The following PPP2R5C variants were observed in gnomAD, a reference collection of about 807,000 sequenced individuals.
PPP2R5C encodes serine/threonine-protein phosphatase 2A 56 kDa regulatory subunit gamma isoform.
Under a neutral mutation model 68.9 loss-of-function variants are expected in PPP2R5C, and 7 were observed. The ratio of observed to expected loss-of-function variants is 0.10; its 90% CI spans 0.06 to 0.19. The LOEUF (loss-of-function observed/expected upper bound fraction) is 0.19. PPP2R5C is among the 10% of genes least tolerant of loss of function. The probability of loss-of-function intolerance (pLI) is 1.00; values close to 1 mark genes in which losing one functional copy is unlikely to be tolerated. For synonymous variants in PPP2R5C, 210 were observed against 222.2 expected (o/e 0.95, Z 0.49); for missense variants, 348 against 641.3 (o/e 0.54, Z 4.94).
At chr14:101,804,357 T>C (rs2038990672) in intron 3 of PPP2R5C, among the ~76,000 whole-genome samples, 1 of 152,204 alleles carries the variant, frequency 6.6e-6, no homozygotes, top group Non-Finnish European at 1.5e-5. Context: ...TATTCAGCAG[T>C]CCCACTGCTG....
intron 3 of PPP2R5C, among the ~76,000 whole-genome samples, chr14:101,788,415 G>T (rs537801090): frequency 1.3e-5 from 2 of 152,256 alleles, no homozygotes; most frequent in Admixed American, 6.5e-5. Context: ...CCATGCGCGG[G>T]GCAGAGCCCA....
chr14:101,910,692 G>A (rs1298394777), intron 11 of PPP2R5C, among the ~76,000 whole-genome samples: 5 of 152,158 alleles, frequency 3.3e-5, no homozygotes, highest in African/African-American at 9.7e-5. Flanking sequence ...AAAGGGCCAG[G>A]CGTGGTGGCT....
chr14:101,918,496 A>C (rs1205033232), intron 13 of PPP2R5C, among the ~76,000 whole-genome samples: 1 of 14,218 alleles, frequency 7.0e-5, no homozygotes, highest in Non-Finnish European at 1.3e-4. Flanking sequence ...CCCTCCCCCC[A>C]CCCCTCAGCC....
At chr14:101,911,778 G>T (rs901689857) in intron 11 of PPP2R5C, among the ~76,000 whole-genome samples, 1 of 152,008 alleles carries the variant, frequency 6.6e-6, no homozygotes, top group African/African-American at 2.4e-5. Context: ...CAGCTACTCG[G>T]GAGGTTGAGG....
At chr14:101,905,928 G>C (rs2141063181) in intron 9 of PPP2R5C, among the ~76,000 whole-genome samples, 1 of 152,260 alleles carries the variant, frequency 6.6e-6, no homozygotes, top group Middle Eastern at 3.4e-3. Context: ...CTTTGTATGT[G>C]ACTTATCGTT....
At chr14:101,787,097 A>T (rs905412358) in intron 3 of PPP2R5C, among the ~76,000 whole-genome samples, 6 of 152,156 alleles carry the variant, frequency 3.9e-5, no homozygotes, top group African/African-American at 1.4e-4. Context: ...ACAAAAAAAT[A>T]AAATTTGCTG....
At chr14:101,795,932 C>A (rs952478172) in intron 3 of PPP2R5C, among the ~76,000 whole-genome samples, 3 of 152,144 alleles carry the variant, frequency 2.0e-5, no homozygotes, top group Non-Finnish European at 4.4e-5. Context: ...AAGCAGTCCT[C>A]CCAGCTCAGC....
intron 3 of PPP2R5C, among the ~76,000 whole-genome samples, chr14:101,788,866 C>G (rs531718005): frequency 9.2e-5 from 14 of 152,218 alleles, no homozygotes; most frequent in Admixed American, 7.2e-4. Context: ...TATATATCCC[C>G]CATTTTTCTG....
In PPP2R5C at chr14:101,874,589, T is replaced by C. The variant is rs114727903; in HGVS notation, c.295-7572T>C. On this transcript the variant is annotated intron_variant, in intron 2 of 13. Transcript: ENST00000334743. ...ATAAATATTCTAAACTCAAAAAATATAAACTCATGCACATAACTGTAAATG... is the reference window on the plus strand; with the variant it reads ...ATAAATATTCTAAACTCAAAAAATACAAACTCATGCACATAACTGTAAATG... Among the ~76,000 whole-genome samples the C allele has an allele frequency of 5.7e-3, 861 of 152,332 alleles. 4 individuals carry two copies. The highest frequency in any genetic ancestry group is 0.02 in the African/African-American group (836 of 41,560).
rs960911064 is a variant in PPP2R5C at position 101,884,894 on chromosome 14, C to T, written c.629+1332C>T. ...ACTGCCAGTTTCGTGCTCCCCACTG[C>T]GGTGGCACCAAGTGAATGTCAATAG... On this transcript the variant is annotated intron_variant, in intron 5 of 13. Transcript: ENST00000334743. Among the ~76,000 whole-genome samples, 19 of 152,362 alleles carry T rather than the reference C, an allele frequency of 1.2e-4. No individual in the cohort carries two copies. The South Asian group carries it at 2.3e-3, about 18-fold the overall frequency.
At chr14:101,845,103 G>A (rs1345111497) in intron 1 of PPP2R5C, among the ~76,000 whole-genome samples, 1 of 151,486 alleles carries the variant, frequency 6.6e-6, no homozygotes, top group Non-Finnish European at 1.5e-5. Flanking sequence ...TTTATCCCTA[G>A]GAGTTTGTTT....
chr14:101,804,276 T>G (rs2038988234), intron 3 of PPP2R5C, among the ~76,000 whole-genome samples: 1 of 152,222 alleles, frequency 6.6e-6, no homozygotes. Context: ...TTGTTAGGAA[T>G]GTAAATTAGT....
At chr14:101,864,367 A>G (rs1290431376) in intron 2 of PPP2R5C, among the ~76,000 whole-genome samples, 17 of 152,242 alleles carry the variant, frequency 1.1e-4, no homozygotes, top group Admixed American at 9.8e-4. Flanking sequence ...GGTGTACTCA[A>G]TCATGCAAGA....
intron 1 of PPP2R5C, among the ~76,000 whole-genome samples, chr14:101,849,907 T>A (rs929704192): frequency 1.3e-5 from 2 of 152,210 alleles, no homozygotes; most frequent in African/African-American, 2.4e-5. Context: ...GAAGTCTTGA[T>A]TTCTGGAACA....
At chr14:101,780,610 G>A (rs575427145) in intron 2 of PPP2R5C, among the ~76,000 whole-genome samples, 22 of 152,170 alleles carry the variant, frequency 1.4e-4, no homozygotes, top group East Asian at 1.2e-3. Flanking sequence ...GGTTCCCTGC[G>A]TCCAGATCGC....
At chr14:101,885,066 G>A (rs1167549342) in intron 5 of PPP2R5C, among the ~76,000 whole-genome samples, 1 of 152,244 alleles carries the variant, frequency 6.6e-6, no homozygotes, top group Non-Finnish European at 1.5e-5. Context: ...CCTGGTGATG[G>A]TGGGGACGGT....
chr14:101,816,793 A>G (rs1210149521), intron 1 of PPP2R5C, among the ~76,000 whole-genome samples: 2 of 150,010 alleles, frequency 1.3e-5, no homozygotes, highest in African/African-American at 4.9e-5. Flanking sequence ...GATATACAAT[A>G]TACAATTATT....
intron 3 of PPP2R5C, chr14:101,796,992 A>G (rs893282926): frequency 1.7e-5 from 6 of 358,806 alleles, no homozygotes; most frequent in African/African-American, 1.3e-4. Flanking sequence ...ACTCGGTGGT[A>G]TTAGATACAT....
At chr14:101,818,694 G>C (rs958459315) in intron 1 of PPP2R5C, 3 of 228,410 alleles carry the variant, frequency 1.3e-5, no homozygotes, top group African/African-American at 6.9e-5. Context: ...GGCTTTCCGT[G>C]TCATTTCCCT....
Sources: allele counts gnomAD v4.1 joint callset (sites outside exome capture counted in the v4.1 genomes callset), GRCh38; gene constraint gnomAD v4.1.1; transcripts MANE v1.5; gene names NCBI Gene and HGNC (gene_info 2026-07-23, HGNC 2026-07-21).